PLAAT3: variants seen among roughly 807,000 people sequenced by gnomAD.
PLAAT3 encodes Ca-independent phospholipase A1/2.
Under a neutral mutation model 16.7 loss-of-function variants are expected in PLAAT3, and 21 were observed. The observed-to-expected ratio is 1.26, with a 90% CI of 0.89 to 1.81. The LOEUF is 1.81. PLAAT3 is among the 40% of genes most tolerant of loss of function. The pLI is 0.00. For missense variants in PLAAT3, 219 were observed against 213.7 expected, an observed-to-expected ratio of 1.02 and a Z score of -0.16; for synonymous variants, 76 against 81.7, an observed-to-expected ratio of 0.93 and a Z score of 0.38.
intron 2 of PLAAT3, 33 bp downstream of exon 2, chr11:63,613,967 G>T: frequency 3.1e-6 from 4 of 1,305,872 alleles, no homozygotes; most frequent in Non-Finnish European, 4.4e-6. Context: ...GGGGCTCCCA[G>T]CCCCGCCCAG....
rs369658759 is a variant in PLAAT3, at chr11:63,592,328, A to G, written c.119-1960T>C. The stretch of plus-strand genomic sequence containing the variant: ...ACTACAGGTGTGCACCACCATGCCC[A>G]GCTAATTTTTATATTTTCAGTAGAG... On this transcript the variant is annotated intron_variant, in intron 3 of 4. Transcript: ENST00000415826. Among the ~76,000 whole-genome samples the G allele has an allele frequency of 2.6e-5, 4 of 152,074 alleles. No individual in the cohort carries two copies. The East Asian group carries it at 7.7e-4, about 29-fold the overall frequency.
At position 63,590,189 on chromosome 11, in the gene PLAAT3, C is replaced by A; in HGVS notation, c.298G>T (p.Val100Leu). 1 of 1,614,240 alleles carries A rather than the reference C, an allele frequency of 6.2e-7. No individual in the cohort carries two copies. ...AGCTTGTAGAGCACCTCCTGCCCCA[C>A]CAGCTCCTCCGCCCGCTGGATGATT... The part of the protein sequence containing the change: ...SKIIQRAEEL[V>L]GQEVLYKLTS... Residue 100 changes from valine (V) to leucine (L), a missense_variant, in exon 4 of 5, where the codon GTG (valine) becomes TTG (leucine). Val to Leu is a conservative substitution (Grantham distance 32). Transcript: ENST00000415826.
intron 2 of PLAAT3, among the ~76,000 whole-genome samples, chr11:63,603,074 C>T (rs988080958): frequency 2.0e-5 from 3 of 147,326 alleles, no homozygotes; most frequent in African/African-American, 4.9e-5. Context: ...GCCTGGGCAA[C>T]AGAGCAAGAC....
Position 63,597,525 on chromosome 11 carries a change from C to CA in PLAAT3, c.118+535dup, listed in dbSNP as rs1305246808. On this transcript the variant is annotated intron_variant, in intron 3 of 4. Coordinates refer to ENST00000415826, the MANE Select transcript of PLAAT3 (RefSeq NM_001128203.2). ...TGAGTGACAGAGCAAGACTCTGTCT[C>CA]AAAAAAAACAAAAAACAAAACTCTT... Among the ~76,000 whole-genome samples the CA allele has an allele frequency of 3.0e-4, 45 of 150,840 alleles. No individual in the cohort carries two copies. The South Asian group carries it at 7.6e-3, about 25-fold the overall frequency.
intron 2 of PLAAT3, among the ~76,000 whole-genome samples, chr11:63,610,055 C>G (rs1244781018): frequency 6.6e-6 from 1 of 152,156 alleles, no homozygotes. Flanking sequence ...CGGAGCTCCC[C>G]GAAAAGTAGC....
At position 63,610,959 on chromosome 11, in the gene PLAAT3, G is replaced by A. The variant is rs574997466; in HGVS notation, c.15+3041C>T. Reference sequence around the variant, plus strand: ...AGGAAACTGTGGACACACCCTCTTCGATCCCCCAGGAGGCTCCTGGGGGCG... The same window carrying A: ...AGGAAACTGTGGACACACCCTCTTCAATCCCCCAGGAGGCTCCTGGGGGCG... On this transcript the variant is annotated intron_variant, in intron 2 of 4. Transcript: ENST00000415826. Among the ~76,000 whole-genome samples, 14 of 152,022 alleles carry A rather than the reference G, an allele frequency of 9.2e-5. No homozygotes were observed. The South Asian group carries it at 2.5e-3, about 27-fold the overall frequency.
intron 4 of PLAAT3, among the ~76,000 whole-genome samples, chr11:63,583,083 T>A (rs1937866957): frequency 6.6e-6 from 1 of 151,230 alleles, no homozygotes; most frequent in African/African-American, 2.4e-5. Flanking sequence ...TGAGCCGAGA[T>A]CACACCTCTG....
At chr11:63,579,134 A>T (rs1460888009) in intron 4 of PLAAT3, among the ~76,000 whole-genome samples, 1 of 152,258 alleles carries the variant, frequency 6.6e-6, no homozygotes, top group African/African-American at 2.4e-5. Flanking sequence ...GCTCATCATC[A>T]CTGGCCATCA....
chr11:63,589,843 G>A (rs955010306), intron 4 of PLAAT3, among the ~76,000 whole-genome samples: 5 of 152,180 alleles, frequency 3.3e-5, no homozygotes, highest in Admixed American at 6.5e-5. Context: ...GGAGGGCTTG[G>A]CAATGGGAAT....
chr11:63,601,397 T>A lies in PLAAT3; in HGVS notation c.16-3234A>T, dbSNP rs11604042. ...GTTTAGAAGGGAAAAAAGCTGTAAT[T>A]TTTTTTTTTTTTTGACATTCAGCCA... On this transcript the variant is annotated intron_variant, in intron 2 of 4. Transcript: ENST00000415826. Among the ~76,000 whole-genome samples the A allele has an allele frequency of 5.1e-3, 748 of 147,780 alleles. 4 individuals carry two copies. The highest frequency in any genetic ancestry group is 8.9e-3 in the Non-Finnish European group (590 of 66,662).
chr11:63,614,236 C>A (rs1938772915), intron 1 of PLAAT3, 149 bp downstream of exon 1: 1 of 601,966 alleles, frequency 1.7e-6, no homozygotes, highest in Non-Finnish European at 2.9e-6. Context: ...GGCGGGCGCC[C>A]AGGAGGCTGC....
chr11:63,577,737 C>T lies in PLAAT3; in HGVS notation c.388-2691G>A, dbSNP rs558296092. Among the ~76,000 whole-genome samples the T allele has an allele frequency of 2.0e-5, 3 of 152,282 alleles. No individual in the cohort carries two copies. The East Asian group carries it at 5.8e-4, about 29-fold the overall frequency. On this transcript the variant is annotated intron_variant, in intron 4 of 4. Coordinates refer to ENST00000415826, the MANE Select transcript of PLAAT3 (RefSeq NM_001128203.2). ...AACTATCATTAGATCGCTTCTCGGC[C>T]TCTTGGCTAAGATCGAGTGTAAAAA...
chr11:63,615,034 A>ATATATATATG (rs1490480530), upstream of PLAAT3, among the ~76,000 whole-genome samples: 246 of 28,054 alleles, frequency 8.8e-3, 34 homozygotes, highest in Non-Finnish European at 0.018. Context: ...ATATGTGTGT[A>ATATATATATG]TATATATGTA....
chr11:63,590,114 C>A lies in PLAAT3; in HGVS notation c.373G>T (p.Ala125Ser). The A allele has an allele frequency of 6.2e-7, 1 of 1,613,672 alleles. No individual in the cohort carries two copies. The highest frequency in any genetic ancestry group is 8.5e-7 in the Non-Finnish European group (1 of 1,179,752). The part of the protein sequence containing the change: ...HFVNELRYGV[A>S]RSDQVRDVII... ...AGAGGACGCACCTGGTCACTGCGGGCGACTCCATAGCGCAGCTCATTCACA... is the reference window on the plus strand; with the variant it reads ...AGAGGACGCACCTGGTCACTGCGGGAGACTCCATAGCGCAGCTCATTCACA... The change falls in exon 4 of 5, where the codon GCC (alanine) becomes TCC (serine). Residue 125 changes from alanine (A) to serine (S), a missense_variant. Transcript: ENST00000415826.
intron 2 of PLAAT3, among the ~76,000 whole-genome samples, chr11:63,609,152 T>TC: frequency 6.6e-6 from 1 of 152,292 alleles, no homozygotes; most frequent in South Asian, 2.1e-4. Context: ...ATTCTCCATG[T>TC]CCCAAAACCA....
chr11:63,613,411 AAAAAAT>A (rs1213359086), intron 2 of PLAAT3, among the ~76,000 whole-genome samples: 1 of 147,050 alleles, frequency 6.8e-6, no homozygotes, highest in African/African-American at 2.4e-5. Flanking sequence ...ACTCCGTCTC[AAAAAAT>A]AAAAATAAAA....
At chr11:63,577,726 C>T (rs1465324160) in intron 4 of PLAAT3, among the ~76,000 whole-genome samples, 3 of 152,212 alleles carry the variant, frequency 2.0e-5, no homozygotes, top group African/African-American at 7.2e-5. Flanking sequence ...ATCATTAGAT[C>T]GCTTCTCGGC....
chr11:63,593,487 G>A (rs1027933329), intron 3 of PLAAT3, among the ~76,000 whole-genome samples: 2 of 152,206 alleles, frequency 1.3e-5, no homozygotes, highest in South Asian at 2.1e-4. Context: ...AGAGAAAGAC[G>A]AGGCCCAAAG....
chr11:63,613,879 G>A, intron 2 of PLAAT3, 121 bp downstream of exon 2: 1 of 675,146 alleles, frequency 1.5e-6, no homozygotes, highest in African/African-American at 1.8e-5. Context: ...GCTGACAGAG[G>A]TGCGGGCCCC....
Sources: allele counts gnomAD v4.1 joint callset (sites outside exome capture counted in the v4.1 genomes callset), GRCh38; gene constraint gnomAD v4.1.1; transcripts MANE v1.5; gene names NCBI Gene and HGNC (gene_info 2026-07-23, HGNC 2026-07-21).